MECOM: variants seen among roughly 807,000 people sequenced by gnomAD.
MECOM encodes MDS1 and EVI1 complex locus, also known as histone-lysine N-methyltransferase MECOM.
In MECOM, 13 loss-of-function variants were observed where a neutral mutation model predicts 116.3. The observed-to-expected ratio is 0.11, with a 90% CI of 0.07 to 0.18. The LOEUF is 0.18. Ranked by LOEUF, MECOM falls within the 10% of genes least tolerant of loss-of-function variation. The pLI, the probability that MECOM is intolerant of heterozygous loss-of-function variation, is 1.00. For missense variants in MECOM, 1,299 were observed against 1,509.0 expected, an observed-to-expected ratio of 0.86 and a Z score of 2.31; for synonymous variants, 528 against 535.2, an observed-to-expected ratio of 0.99 and a Z score of 0.19.
At chr3:169,501,670 G>A (rs759341926) in intron 1 of MECOM, among the ~76,000 whole-genome samples, 20 of 152,026 alleles carry the variant, frequency 1.3e-4, no homozygotes, top group Non-Finnish European at 2.5e-4. Flanking sequence ...TTAATGACCA[G>A]GCTAGTCATT....
chr3:169,514,848 G>C (rs1293036767), intron 1 of MECOM, among the ~76,000 whole-genome samples: 1 of 152,130 alleles, frequency 6.6e-6, no homozygotes, highest in East Asian at 1.9e-4. Flanking sequence ...ATATCTGAGA[G>C]CCAGTATAGT....
chr3:169,176,120 A>AAC lies in MECOM; in HGVS notation c.376-32290_376-32289dup, dbSNP rs1553759576. 4.9e-3 allele frequency among the ~76,000 whole-genome samples: 735 copies of AAC among 149,044 alleles called. 2 individuals carry two copies. The highest frequency in any genetic ancestry group is 0.016 in the African/African-American group (663 of 40,668). On this transcript the variant is annotated intron_variant, in intron 2 of 16. Coordinates refer to ENST00000651503, the MANE Select transcript of MECOM (RefSeq NM_004991.4). ...TGATAGCTGATGAGAAAAAAAAAAC[A>AAC]ACACACACACACACATACACACCAA...
intron 1 of MECOM, among the ~76,000 whole-genome samples, chr3:169,459,479 T>A (rs541502593): frequency 6.6e-6 from 1 of 152,340 alleles, no homozygotes; most frequent in South Asian, 2.1e-4. Flanking sequence ...CTTTACCAAG[T>A]GTTTTTACCT....
chr3:169,540,996 C>G (rs1759998062), intron 1 of MECOM, among the ~76,000 whole-genome samples: 1 of 152,206 alleles, frequency 6.6e-6, no homozygotes, highest in South Asian at 2.1e-4. Flanking sequence ...GTACCATCTT[C>G]TTCCAGTGCA....
chr3:169,332,724 T>C (rs558687687), intron 2 of MECOM, among the ~76,000 whole-genome samples: 1 of 152,330 alleles, frequency 6.6e-6, no homozygotes, highest in South Asian at 2.1e-4. Context: ...TGAATAGACA[T>C]TTTACATTTG....
intron 1 of MECOM, among the ~76,000 whole-genome samples, chr3:169,396,936 G>A (rs903260419): frequency 6.6e-6 from 1 of 152,122 alleles, no homozygotes; most frequent in African/African-American, 2.4e-5. Flanking sequence ...TCAAGGCACT[G>A]CACTCCAGCC....
At position 169,084,306 on chromosome 3, in the gene MECOM, T is replaced by C. The variant is rs972616003; in HGVS notation, c.*603A>G. The C allele has an allele frequency of 4.3e-6, 1 of 231,026 alleles. No individual in the cohort carries two copies. Among genetic ancestry groups the C allele is most frequent in the African/African-American group, 2.2e-5 (1 of 45,216 alleles). The allele number at this position is 231,026 out of a possible 1,614,324, so 14.3% of individuals were successfully genotyped here. ...ACATCCATAGTTTACAATATACACATACCCTTTTTCCCTAGTTTTAAACAA... is the reference window on the plus strand; with the variant it reads ...ACATCCATAGTTTACAATATACACACACCCTTTTTCCCTAGTTTTAAACAA... On this transcript the variant is annotated 3_prime_UTR_variant, in exon 17 of 17. Transcript: ENST00000651503.
rs575063378 is a variant in MECOM, at chr3:169,659,310, G to C, written c.37+4026C>G. On this transcript the variant is annotated intron_variant, in intron 1 of 16. Coordinates refer to ENST00000651503, the MANE Select transcript of MECOM (RefSeq NM_004991.4). ...TATAGCCAAGACCTGCAACTCTGCA[G>C]TCCCTACAAATAAAAAAAGAAGCCT... is the stretch of plus-strand genomic sequence containing the variant. Among the ~76,000 whole-genome samples, 6 of 152,112 alleles carry C rather than the reference G, an allele frequency of 3.9e-5. No homozygotes were observed. In the East Asian group the frequency reaches 1.2e-3, roughly 29 times the overall value.
chr3:169,471,117 G>A (rs917035356), intron 1 of MECOM, among the ~76,000 whole-genome samples: 6 of 151,680 alleles, frequency 4.0e-5, no homozygotes, highest in Non-Finnish European at 8.8e-5. Context: ...TCAGCCTCCA[G>A]GGTAGCTGGG....
At chr3:169,522,105 A>G (rs2109088745) in intron 1 of MECOM, among the ~76,000 whole-genome samples, 1 of 152,324 alleles carries the variant, frequency 6.6e-6, no homozygotes, top group Non-Finnish European at 1.5e-5. Context: ...ATGACTGTAT[A>G]CATGTTTTTG....
chr3:169,289,087 T>C (rs1713962974), intron 2 of MECOM, among the ~76,000 whole-genome samples: 1 of 152,222 alleles, frequency 6.6e-6, no homozygotes, highest in Non-Finnish European at 1.5e-5. Context: ...GAATATCAGA[T>C]GGTAGACATT....
chr3:169,267,432 G>A (rs1240782743), intron 2 of MECOM, among the ~76,000 whole-genome samples: 1 of 152,204 alleles, frequency 6.6e-6, no homozygotes, highest in Non-Finnish European at 1.5e-5. Context: ...AGTTGGGCTG[G>A]ATGATCCTAA....
intron 2 of MECOM, among the ~76,000 whole-genome samples, chr3:169,170,302 G>A (rs536341287): frequency 1.6e-4 from 24 of 150,710 alleles, no homozygotes; most frequent in Non-Finnish European, 3.2e-4. Context: ...AGCTACTTGG[G>A]AGGCTGAGGC....
chr3:169,168,891 A>G (rs1217832598), intron 2 of MECOM, among the ~76,000 whole-genome samples: 1 of 151,972 alleles, frequency 6.6e-6, no homozygotes, highest in African/African-American at 2.4e-5. Flanking sequence ...ATAGGTTATT[A>G]TAGATAAAAT....
intron 2 of MECOM, among the ~76,000 whole-genome samples, chr3:169,246,969 AACAT>A (rs571743227): frequency 4.8e-4 from 73 of 152,210 alleles, no homozygotes; most frequent in Non-Finnish European, 8.5e-4. Flanking sequence ...AATATTATGA[AACAT>A]ACACCCAATT....
At chr3:169,635,401 T>A (rs995851364) in intron 1 of MECOM, among the ~76,000 whole-genome samples, 1 of 152,178 alleles carries the variant, frequency 6.6e-6, no homozygotes, top group East Asian at 1.9e-4. Flanking sequence ...CACACCCTGA[T>A]GTAGCATTCC....
chr3:169,340,936 G>C (rs1488444601), intron 2 of MECOM, among the ~76,000 whole-genome samples: 1 of 152,092 alleles, frequency 6.6e-6, no homozygotes, highest in African/African-American at 2.4e-5. Context: ...CAAGCAGGTG[G>C]AACATTAAAA....
intron 1 of MECOM, among the ~76,000 whole-genome samples, chr3:169,561,699 C>T (rs1762653199): frequency 3.9e-5 from 6 of 152,172 alleles, no homozygotes; most frequent in Admixed American, 3.9e-4. Context: ...TAATGTAAAA[C>T]ACACACCACA....
At chr3:169,230,969 C>T (rs542090061) in intron 2 of MECOM, among the ~76,000 whole-genome samples, 10 of 152,166 alleles carry the variant, frequency 6.6e-5, no homozygotes, top group Non-Finnish European at 1.2e-4. Context: ...CTTTTATTAA[C>T]TTGCCATTCA....
Sources: gnomAD v4.1 joint callset for allele counts (sites outside exome capture counted in the v4.1 genomes callset) on GRCh38, gnomAD v4.1.1 for gene constraint, MANE v1.5 for transcripts, NCBI Gene and HGNC (gene_info 2026-07-23, HGNC 2026-07-21) for gene names.